RAI1: variants seen among roughly 807,000 people sequenced by gnomAD.
RAI1 encodes the protein retinoic acid induced 1.
In RAI1, 9 loss-of-function variants were observed where a neutral mutation model predicts 123.8. That is an observed-to-expected ratio of 0.07 (90% CI 0.04 to 0.13). RAI1 has a LOEUF of 0.13. Among genes scored for constraint, RAI1 ranks in the 10% least tolerant of loss-of-function variants. RAI1 has a pLI of 1.00. For synonymous variants in RAI1, 1,231 were observed against 1,127.3 expected (o/e 1.09, Z -1.84); for missense variants, 2,256 against 2,545.8 (o/e 0.89, Z 2.45).
chr17:17,791,229 C>T (rs369603454), intron 2 of RAI1, among the ~76,000 whole-genome samples: 6 of 152,334 alleles, frequency 3.9e-5, no homozygotes, highest in Non-Finnish European at 7.4e-5. Context: ...ACTGGGCTGA[C>T]GGGCTTCTGG....
intron 2 of RAI1, among the ~76,000 whole-genome samples, chr17:17,757,421 A>G (rs1172100770): frequency 6.6e-6 from 1 of 152,172 alleles, no homozygotes; most frequent in Non-Finnish European, 1.5e-5. Context: ...GACCAGTTCA[A>G]TTCCAGTAAC....
chr17:17,781,050 C>A (rs977890043), intron 2 of RAI1, among the ~76,000 whole-genome samples: 4 of 152,230 alleles, frequency 2.6e-5, no homozygotes, highest in Non-Finnish European at 5.9e-5. Flanking sequence ...CTCCACCCCC[C>A]ACCAGAGGCT....
At chr17:17,752,642 G>T (rs1396028651) in intron 2 of RAI1, among the ~76,000 whole-genome samples, 1 of 152,216 alleles carries the variant, frequency 6.6e-6, no homozygotes, top group African/African-American at 2.4e-5. Flanking sequence ...TCATCCGGCC[G>T]TGGGTGGCCA....
intron 2 of RAI1, 57 bp from the exon 3 acceptor site, chr17:17,792,876 T>TG: frequency 4.2e-6 from 2 of 477,420 alleles, no homozygotes; most frequent in Non-Finnish European, 7.8e-6. Context: ...GCCCCCTCCC[T>TG]GCCCATCCTC....
intron 3 of RAI1, chr17:17,802,144 C>T (rs765495609): frequency 3.8e-5 from 18 of 470,996 alleles, no homozygotes; most frequent in South Asian, 2.8e-4. Context: ...CTGTCCTGGC[C>T]ACGTCCACTC....
At chr17:17,730,273 C>T (rs560157459) in intron 2 of RAI1, among the ~76,000 whole-genome samples, 1 of 152,362 alleles carries the variant, frequency 6.6e-6, no homozygotes, top group Admixed American at 6.5e-5. Flanking sequence ...GAGGTCAGAG[C>T]ATGGAAGGCC....
chr17:17,721,471 T>TG (rs1915878798), intron 1 of RAI1, among the ~76,000 whole-genome samples: 1 of 151,794 alleles, frequency 6.6e-6, no homozygotes, highest in Non-Finnish European at 1.5e-5. Context: ...GGTCCTAAGG[T>TG]GAGAGTGTGC....
chr17:17,785,506 G>A (rs2031796302), intron 2 of RAI1, among the ~76,000 whole-genome samples: 1 of 152,166 alleles, frequency 6.6e-6, no homozygotes, highest in Non-Finnish European at 1.5e-5. Context: ...ACAGCTCATT[G>A]TACCATCAAT....
intron 2 of RAI1, among the ~76,000 whole-genome samples, chr17:17,772,443 C>A (rs575566755): frequency 6.6e-6 from 1 of 152,232 alleles, no homozygotes; most frequent in Non-Finnish European, 1.5e-5. Context: ...CTCCCCAACA[C>A]ACATGTGTGA....
intron 2 of RAI1, among the ~76,000 whole-genome samples, 191 bp downstream of exon 2, chr17:17,724,350 G>T (rs1414412479): frequency 2.0e-5 from 3 of 150,954 alleles, no homozygotes; most frequent in Admixed American, 2.0e-4. Flanking sequence ...GCATGTTTGG[G>T]GGTTTTCCAC....
At chr17:17,715,001 G>A (rs1230930134) in intron 1 of RAI1, among the ~76,000 whole-genome samples, 1 of 152,240 alleles carries the variant, frequency 6.6e-6, no homozygotes, top group Non-Finnish European at 1.5e-5. Context: ...TGTTAGGTAA[G>A]CAGGAGCAGA....
At chr17:17,774,187 G>T (rs1159888902) in intron 2 of RAI1, among the ~76,000 whole-genome samples, 2 of 152,218 alleles carry the variant, frequency 1.3e-5, no homozygotes, top group East Asian at 3.9e-4. Flanking sequence ...AAGCATTTCT[G>T]TATCTGTTTT....
chr17:17,775,328 C>G (rs2031302549), intron 2 of RAI1, among the ~76,000 whole-genome samples: 1 of 151,878 alleles, frequency 6.6e-6, no homozygotes, highest in African/African-American at 2.4e-5. Context: ...CTCAGCCTCC[C>G]AAGTAGCTGA....
At position 17,810,776 on chromosome 17, in the gene RAI1, C is replaced by A; in HGVS notation, c.*795C>A. 2.2e-6 allele frequency: 1 copy of A among 454,352 alleles called. No homozygotes were observed. 28.1% of individuals were successfully genotyped at this position (454,352 alleles called of 1,614,324 possible). A position where few individuals can be genotyped will look rare whatever the true frequency, so the allele number is the denominator to read the frequency against. The stretch of plus-strand genomic sequence containing the variant: ...GGAGCCCAGCCTGGGAGCGCAAAAC[C>A]CAAGAAGCGGCCAGAACGCACCTCC... On this transcript the variant is annotated 3_prime_UTR_variant, in exon 6 of 6. Transcript: ENST00000353383. The surrounding 1 kb of genome is among the most constrained non-coding windows in gnomAD (Gnocchi z 4.6).
intron 1 of RAI1, among the ~76,000 whole-genome samples, chr17:17,698,403 C>G (rs1258618471): frequency 6.6e-6 from 1 of 152,220 alleles, no homozygotes; most frequent in Non-Finnish European, 1.5e-5. Context: ...GGCGTTGTCT[C>G]TGTCCCCCAT....
chr17:17,688,930 G>T (rs1234061742), intron 1 of RAI1, among the ~76,000 whole-genome samples: 1 of 150,410 alleles, frequency 6.6e-6, no homozygotes, highest in Non-Finnish European at 1.5e-5. Flanking sequence ...AAAGTGCTTT[G>T]TATGTAGAAG....
intron 1 of RAI1, among the ~76,000 whole-genome samples, chr17:17,699,699 A>T (rs1040526501): frequency 2.0e-5 from 3 of 151,732 alleles, no homozygotes. Context: ...TTTCCAGTTT[A>T]CATTTCTTCT....
In RAI1 at chr17:17,809,289, G is replaced by C. The variant is rs962572167; in HGVS notation, c.5660-101G>C. 2.0e-6 allele frequency: 2 copies of C among 1,001,016 alleles called. No homozygotes were observed. The highest frequency in any genetic ancestry group is 3.2e-6 in the Non-Finnish European group (2 of 624,008). The allele number at this position is 1,001,016 out of a possible 1,614,324, so 62.0% of individuals were successfully genotyped here. On this transcript the variant is annotated intron_variant, in intron 4 of 5. Coordinates refer to ENST00000353383, the MANE Select transcript of RAI1 (RefSeq NM_030665.4). The surrounding 1 kb of genome is among the most constrained non-coding windows in gnomAD (Gnocchi z 4.9). ...TTGAAAAGAGCCCCTGCAGTCTGGA[G>C]CCTCGCGGGCAGTGCGGCTCCCCTC...
intron 2 of RAI1, among the ~76,000 whole-genome samples, chr17:17,751,677 G>T (rs1484732172): frequency 6.6e-6 from 1 of 152,160 alleles, no homozygotes; most frequent in East Asian, 1.9e-4. Flanking sequence ...CGCACTGGCC[G>T]CCTGTCCTGC....
Sources: allele counts gnomAD v4.1 joint callset (sites outside exome capture counted in the v4.1 genomes callset), GRCh38; gene constraint gnomAD v4.1.1; non-coding constraint Gnocchi (gnomAD v3.1); transcripts MANE v1.5; gene names NCBI Gene and HGNC (gene_info 2026-07-23, HGNC 2026-07-21).